PHF21A: variants seen among roughly 807,000 people sequenced by gnomAD.
PHF21A encodes the protein PHD finger protein 21A.
A neutral mutation model predicts 82.5 loss-of-function variants in PHF21A; 11 were observed. That is an observed-to-expected ratio of 0.13 (90% CI 0.08 to 0.22). The LOEUF (loss-of-function observed/expected upper bound fraction) is 0.22, where lower values mean the gene tolerates loss of function less well. PHF21A is among the 10% of genes least tolerant of loss of function. The pLI, the probability that PHF21A is intolerant of heterozygous loss-of-function variation, is 1.00. For synonymous variants in PHF21A, 297 were observed against 302.8 expected, an observed-to-expected ratio of 0.98 and a Z score of 0.20; for missense variants, 579 against 837.8, an observed-to-expected ratio of 0.69 and a Z score of 3.81.
intron 6 of PHF21A, among the ~76,000 whole-genome samples, chr11:46,042,834 G>A (rs917357646): frequency 2.0e-5 from 3 of 152,048 alleles, no homozygotes; most frequent in Non-Finnish European, 4.4e-5. Context: ...CTATGAAGCA[G>A]ACAGTAGGTC....
chr11:46,025,276 T>C (rs1405361988), intron 6 of PHF21A, among the ~76,000 whole-genome samples: 1 of 152,184 alleles, frequency 6.6e-6, no homozygotes, highest in African/African-American at 2.4e-5. Flanking sequence ...TTCTGTCTTA[T>C]CCCCACTGAA....
chr11:46,038,013 T>C (rs909437898), intron 6 of PHF21A, among the ~76,000 whole-genome samples: 4 of 152,150 alleles, frequency 2.6e-5, no homozygotes, highest in Non-Finnish European at 4.4e-5. Flanking sequence ...CTTGCTTTAT[T>C]ATAGAATTTC....
At chr11:45,947,243 C>T (rs544169180) in intron 14 of PHF21A, among the ~76,000 whole-genome samples, 2 of 152,208 alleles carry the variant, frequency 1.3e-5, no homozygotes, top group South Asian at 2.1e-4. Flanking sequence ...AGTCAGGGCC[C>T]TTGTCTTCTA....
At chr11:46,075,991 G>C (rs1248991418) in intron 6 of PHF21A, among the ~76,000 whole-genome samples, 2 of 152,128 alleles carry the variant, frequency 1.3e-5, no homozygotes, top group Non-Finnish European at 2.9e-5. Flanking sequence ...CCTACTCCAA[G>C]ACAGAAAACC....
chr11:46,120,509 G>C (rs966192686), intron 1 of PHF21A: 3 of 151,692 alleles, frequency 2.0e-5, no homozygotes, highest in African/African-American at 7.2e-5. Context: ...CCAGGCTTCC[G>C]AGGCTGCTCA....
intron 6 of PHF21A, among the ~76,000 whole-genome samples, chr11:46,020,848 C>T (rs1439227231): frequency 1.3e-5 from 2 of 152,108 alleles, no homozygotes; most frequent in Admixed American, 6.5e-5. Flanking sequence ...GGTACCAAAG[C>T]GATATGCATT....
At chr11:45,943,211 C>T (rs1368109371) in intron 15 of PHF21A, among the ~76,000 whole-genome samples, 1 of 151,014 alleles carries the variant, frequency 6.6e-6, no homozygotes, top group Non-Finnish European at 1.5e-5. Flanking sequence ...CAGCCTCAGC[C>T]TCCCATGCTC....
intron 15 of PHF21A, among the ~76,000 whole-genome samples, chr11:45,939,690 T>C (rs886161639): frequency 1.4e-5 from 2 of 142,402 alleles, no homozygotes; most frequent in African/African-American, 2.7e-5. Flanking sequence ...AGGACTCAGG[T>C]AAGTCTGCTG....
intron 1 of PHF21A, among the ~76,000 whole-genome samples, chr11:46,111,971 T>C (rs905638557): frequency 6.6e-6 from 1 of 152,208 alleles, no homozygotes; most frequent in Non-Finnish European, 1.5e-5. Context: ...TTTTGCAGCA[T>C]CTTATTTTCC....
chr11:46,114,037 C>T (rs1274583005), intron 1 of PHF21A, among the ~76,000 whole-genome samples: 2 of 151,840 alleles, frequency 1.3e-5, no homozygotes, highest in African/African-American at 4.8e-5. Context: ...CTGCTTTTGT[C>T]AAGTCCTTAC....
intron 2 of PHF21A, among the ~76,000 whole-genome samples, 154 bp downstream of exon 2, chr11:46,092,027 AAT>A (rs773450851): frequency 6.6e-5 from 10 of 152,186 alleles, no homozygotes; most frequent in Non-Finnish European, 1.3e-4. Flanking sequence ...AGCTACGTGA[AAT>A]TAGACAATTC....
At chr11:45,940,342 C>T (rs906069382) in intron 15 of PHF21A, among the ~76,000 whole-genome samples, 1 of 151,808 alleles carries the variant, frequency 6.6e-6, no homozygotes, top group Non-Finnish European at 1.5e-5. Flanking sequence ...ATTACAGGCG[C>T]CCACCACCAC....
At chr11:45,958,687 C>T (rs1311253540) in intron 10 of PHF21A, among the ~76,000 whole-genome samples, 4 of 151,550 alleles carry the variant, frequency 2.6e-5, no homozygotes, top group Admixed American at 6.6e-5. Context: ...AAGCCAAGGT[C>T]GGGGGATCAC....
At chr11:46,018,406 T>C (rs1297559427) in intron 6 of PHF21A, among the ~76,000 whole-genome samples, 1 of 152,264 alleles carries the variant, frequency 6.6e-6, no homozygotes, top group South Asian at 2.1e-4. Context: ...TACAGTATAG[T>C]ATTAACACTT....
rs143629966 is a variant in PHF21A, at chr11:45,979,776, T to C, written c.344A>G (p.Asn115Ser). The change falls in exon 7 of 19, where the codon AAC becomes AGC. Residue 115 changes from asparagine (N) to serine (S), a missense_variant. Physicochemically the swap from Asn to Ser is conservative, Grantham distance 46. Around this residue, in one of 3 missense-constraint regions of PHF21A, gnomAD observed 410 missense variants for 642.1 expected, o/e 0.64. Coordinates refer to ENST00000676320, the MANE Select transcript of PHF21A (RefSeq NM_001352027.3). ...CACATTTACCTGTGAAGCAGTCAGG[T>C]TGGGAGAGGCTGCAGCTGACTGCTG... ...HAQQSAAASP[N>S]LTASQKTVTT... 8.6e-4 allele frequency: 1,382 copies of C among 1,613,802 alleles called. 2 individuals are homozygous for C. The highest frequency in any genetic ancestry group is 1.0e-3 in the Non-Finnish European group (1,229 of 1,180,000).
At chr11:45,945,767 G>A (rs1425455137) in intron 15 of PHF21A, 73 bp downstream of exon 15, 2 of 1,281,068 alleles carry the variant, frequency 1.6e-6, no homozygotes, top group Admixed American at 2.5e-5. Context: ...AGTCGATAAG[G>A]AGACAACATA....
At chr11:46,019,401 A>G (rs1489010047) in intron 6 of PHF21A, among the ~76,000 whole-genome samples, 4 of 152,164 alleles carry the variant, frequency 2.6e-5, no homozygotes, top group Non-Finnish European at 4.4e-5. Flanking sequence ...ACACCACGCC[A>G]AAAAATAAGA....
chr11:46,119,831 T>C (rs1852550511), intron 1 of PHF21A: 1 of 149,876 alleles, frequency 6.7e-6, no homozygotes, highest in East Asian at 2.0e-4. Context: ...GGGAACTGCG[T>C]GCACGACGGG....
At chr11:45,975,357 T>TAAAAC (rs1180120903) in intron 7 of PHF21A, among the ~76,000 whole-genome samples, 4 of 116,572 alleles carry the variant, frequency 3.4e-5, no homozygotes, top group Non-Finnish European at 5.0e-5. Context: ...TAAAATAAAA[T>TAAAAC]AAAATAAAAT....
Sources: gnomAD v4.1 joint callset for allele counts (sites outside exome capture counted in the v4.1 genomes callset) on GRCh38, gnomAD v4.1.1 for gene constraint, gnomAD v4.1.1 regional missense constraint, MANE v1.5 for transcripts, NCBI Gene and HGNC (gene_info 2026-07-23, HGNC 2026-07-21) for gene names.